Variants in NRG3 observed in about 807,000 individuals in gnomAD.
The protein encoded by NRG3 is neuregulin 3.
In NRG3, 31 loss-of-function variants were observed where a neutral mutation model predicts 66.9. That is an observed-to-expected ratio of 0.46 (90% CI 0.35 to 0.63). The LOEUF (loss-of-function observed/expected upper bound fraction) is 0.63. Ranked by LOEUF, NRG3 falls within the 20% of genes least tolerant of loss-of-function variation. The probability of loss-of-function intolerance (pLI) is 0.00; values close to 1 mark genes in which losing one functional copy is unlikely to be tolerated. For missense variants in NRG3, 910 were observed against 878.9 expected, an observed-to-expected ratio of 1.04 and a Z score of -0.45; for synonymous variants, 393 against 359.4, an observed-to-expected ratio of 1.09 and a Z score of -1.06.
intron 1 of NRG3, among the ~76,000 whole-genome samples, chr10:82,283,354 T>C (rs79684022): frequency 0.018 from 2,693 of 152,254 alleles, 59 homozygotes; most frequent in African/African-American, 0.05. Flanking sequence ...GGCTACATTT[T>C]TAAAGAAAAC....
At chr10:82,202,397 T>C (rs1393343567) in intron 1 of NRG3, among the ~76,000 whole-genome samples, 1 of 152,212 alleles carries the variant, frequency 6.6e-6, no homozygotes, top group African/African-American at 2.4e-5. Flanking sequence ...TCCTTGGTTT[T>C]TCCCTGAAGT....
intron 3 of NRG3, among the ~76,000 whole-genome samples, chr10:82,814,465 C>A (rs181586810): frequency 6.6e-6 from 1 of 152,238 alleles, no homozygotes; most frequent in African/African-American, 2.4e-5. Flanking sequence ...GGCTTCTCCC[C>A]GAAGACTACC....
intron 2 of NRG3, among the ~76,000 whole-genome samples, chr10:82,447,608 A>G (rs1363720140): frequency 6.6e-6 from 1 of 152,212 alleles, no homozygotes; most frequent in African/African-American, 2.4e-5. Flanking sequence ...ACACACACTT[A>G]CCTATGGCTT....
chr10:82,399,618 A>T (rs2086944310), intron 2 of NRG3, among the ~76,000 whole-genome samples: 1 of 152,196 alleles, frequency 6.6e-6, no homozygotes, highest in Non-Finnish European at 1.5e-5. Flanking sequence ...GGGCAGAAAG[A>T]TAAATGTCTA....
chr10:82,970,790 C>T (rs137947212), intron 6 of NRG3, among the ~76,000 whole-genome samples: 292 of 152,166 alleles, frequency 1.9e-3, no homozygotes, highest in African/African-American at 6.8e-3. Context: ...ATGTCTTTCT[C>T]CCATAAGGTT....
At chr10:82,782,992 T>C (rs866144561) in intron 3 of NRG3, among the ~76,000 whole-genome samples, 5 of 152,134 alleles carry the variant, frequency 3.3e-5, no homozygotes, top group Middle Eastern at 6.8e-3. Context: ...CAGCAGCACA[T>C]CAAAAAACTT....
intron 1 of NRG3, among the ~76,000 whole-genome samples, chr10:82,092,343 T>A (rs897025022): frequency 6.6e-6 from 1 of 152,062 alleles, no homozygotes; most frequent in Admixed American, 6.6e-5. Flanking sequence ...AGCCTGTCAA[T>A]ATATGTTAAA....
At chr10:82,617,603 A>C (rs931011182) in intron 2 of NRG3, among the ~76,000 whole-genome samples, 8 of 152,204 alleles carry the variant, frequency 5.3e-5, no homozygotes. Context: ...TGAAGTCTAA[A>C]AAGAAAATCA....
At chr10:81,947,323 C>T (rs1470939122) in intron 1 of NRG3, among the ~76,000 whole-genome samples, 1 of 152,126 alleles carries the variant, frequency 6.6e-6, no homozygotes. Flanking sequence ...CTCTAAAGAC[C>T]TCATTTCCAA....
At chr10:82,034,793 A>G (rs1325198381) in intron 1 of NRG3, among the ~76,000 whole-genome samples, 1 of 151,992 alleles carries the variant, frequency 6.6e-6, no homozygotes, top group Non-Finnish European at 1.5e-5. Flanking sequence ...TGTCACTGCC[A>G]AGTAGACTGT....
At chr10:82,825,880 A>G (rs918125849) in intron 3 of NRG3, among the ~76,000 whole-genome samples, 1 of 152,174 alleles carries the variant, frequency 6.6e-6, no homozygotes, top group East Asian at 1.9e-4. Flanking sequence ...TCTATATATT[A>G]TATGTTAATG....
intron 1 of NRG3, among the ~76,000 whole-genome samples, chr10:82,002,007 T>C (rs927198794): frequency 2.6e-5 from 4 of 152,182 alleles, no homozygotes; most frequent in Admixed American, 6.5e-5. Flanking sequence ...CCCATACATA[T>C]AGTATGATGC....
At chr10:82,984,934 C>A (rs1460576534) in intron 8 of NRG3, 164 bp from the exon 9 acceptor site, 2 of 1,228,094 alleles carry the variant, frequency 1.6e-6, no homozygotes, top group Non-Finnish European at 2.4e-6. Flanking sequence ...CCTATCTGAG[C>A]TTCAGTTTAC....
chr10:82,170,685 TATATATATATATGTAA>T, intron 1 of NRG3, among the ~76,000 whole-genome samples: 2 of 139,502 alleles, frequency 1.4e-5, no homozygotes, highest in East Asian at 2.1e-4. Context: ...TATATATATA[TATATATATATATGTAA>T]ATATATATAG....
At chr10:82,957,172 G>A (rs1850128913) in intron 5 of NRG3, among the ~76,000 whole-genome samples, 2 of 151,938 alleles carry the variant, frequency 1.3e-5, no homozygotes, top group South Asian at 2.1e-4. Context: ...AACATTTTGC[G>A]TGTGCCTCCA....
At chr10:82,371,439 A>G (rs1028595502) in intron 2 of NRG3, among the ~76,000 whole-genome samples, 8 of 152,170 alleles carry the variant, frequency 5.3e-5, no homozygotes, top group African/African-American at 1.7e-4. Flanking sequence ...TTCTTTTATC[A>G]TTCTGCCAAT....
intron 1 of NRG3, among the ~76,000 whole-genome samples, chr10:82,250,228 T>C (rs2077419410): frequency 6.6e-6 from 1 of 152,194 alleles, no homozygotes; most frequent in South Asian, 2.1e-4. Context: ...AGGATCAATA[T>C]ATCAATATGG....
At chr10:82,704,416 A>G (rs1249593664) in intron 2 of NRG3, among the ~76,000 whole-genome samples, 2 of 152,228 alleles carry the variant, frequency 1.3e-5, no homozygotes, top group Admixed American at 1.3e-4. Context: ...TAAATCTACC[A>G]GACTATATCA....
chr10:81,901,087 G>C (rs773595282), intron 1 of NRG3, among the ~76,000 whole-genome samples: 1 of 152,214 alleles, frequency 6.6e-6, no homozygotes, highest in Non-Finnish European at 1.5e-5. Context: ...GGGAGCTCCA[G>C]ATAGAAATCC....
Sources: allele counts gnomAD v4.1 joint callset (sites outside exome capture counted in the v4.1 genomes callset), GRCh38; gene constraint gnomAD v4.1.1; transcripts MANE v1.5; gene names NCBI Gene and HGNC (gene_info 2026-07-23, HGNC 2026-07-21).